The following ZDHHC5 variants were observed in gnomAD, a reference collection of about 807,000 sequenced individuals.
ZDHHC5 encodes zDHHC palmitoyltransferase 5, also known as palmitoyltransferase ZDHHC5.
A neutral mutation model predicts 70.0 loss-of-function variants in ZDHHC5; 22 were observed. The ratio of observed to expected loss-of-function variants is 0.31; its 90% CI spans 0.22 to 0.45. The LOEUF (loss-of-function observed/expected upper bound fraction) is 0.45, where lower values mean the gene tolerates loss of function less well. ZDHHC5 is among the 20% of genes least tolerant of loss of function. ZDHHC5 has a pLI of 1.00. For missense variants in ZDHHC5, 746 were observed against 926.9 expected (o/e 0.80, Z 2.53); for synonymous variants, 313 against 347.8 (o/e 0.90, Z 1.11).
Position 57,699,295 on chromosome 11 carries a change from G to C in ZDHHC5, c.1859G>C (p.Gly620Ala). 1 of 1,614,240 alleles carries C rather than the reference G, an allele frequency of 6.2e-7. No individual in the cohort carries two copies. Among genetic ancestry groups the C allele is most frequent in the Non-Finnish European group, 8.5e-7 (1 of 1,180,038 alleles). Reference protein sequence around the residue: ...KPDGLRGRGVGSPEPGPTAPY... With the variant: ...KPDGLRGRGVASPEPGPTAPY... ...GATGGGCTAAGGGGCCGGGGAGTAGGGTCCCCTGAACCAGGCCCAACAGCC... is the reference window on the plus strand; with the variant it reads ...GATGGGCTAAGGGGCCGGGGAGTAGCGTCCCCTGAACCAGGCCCAACAGCC... The change falls in exon 11 of 12, where the codon GGG becomes GCG. Residue 620 changes from glycine to alanine, a missense_variant. Coordinates refer to ENST00000287169, the MANE Select transcript of ZDHHC5 (RefSeq NM_015457.3).
intron 2 of ZDHHC5, among the ~76,000 whole-genome samples, chr11:57,676,408 A>C (rs1946071699): frequency 6.6e-6 from 1 of 152,172 alleles, no homozygotes; most frequent in South Asian, 2.1e-4. Context: ...GTTAGTTACT[A>C]GACTTCATTT....
At chr11:57,692,870 T>G (rs1345251447) in intron 7 of ZDHHC5, among the ~76,000 whole-genome samples, 168 bp downstream of exon 7, 1 of 152,214 alleles carries the variant, frequency 6.6e-6, no homozygotes, top group Non-Finnish European at 1.5e-5. Context: ...TATCTTAGAA[T>G]GGTAAGTACC....
intron 9 of ZDHHC5, 112 bp from the exon 10 acceptor site, chr11:57,696,649 G>A (rs1305456292): frequency 1.1e-6 from 1 of 913,194 alleles, no homozygotes; most frequent in Admixed American, 2.1e-5. Context: ...CAAGGCTCCA[G>A]TGAGCTATAA....
rs924285475 is a variant in ZDHHC5, at chr11:57,701,165, AAAG to A, written c.*1137_*1139del. 1.3e-5 allele frequency: 2 copies of A among 152,620 alleles called. No homozygotes were observed. The highest frequency in any genetic ancestry group is 1.3e-4 in the Admixed American group (2 of 15,280). The allele number at this position is 152,620 out of a possible 1,614,324, so 9.5% of individuals were successfully genotyped here. ...GCCATTTTAAACCAACGAGGAATAA[AAAG>A]AAATCCTGATCTAACCAGCGCCCCC... On this transcript the variant is annotated 3_prime_UTR_variant, in exon 12 of 12. Transcript: ENST00000287169.
intron 2 of ZDHHC5, among the ~76,000 whole-genome samples, chr11:57,678,405 C>T (rs1946101040): frequency 6.6e-6 from 1 of 151,962 alleles, no homozygotes; most frequent in East Asian, 1.9e-4. Flanking sequence ...CCGTTCTCTA[C>T]TAAAAATACA....
At chr11:57,685,743 G>A (rs756628384) in intron 3 of ZDHHC5, among the ~76,000 whole-genome samples, 2 of 152,100 alleles carry the variant, frequency 1.3e-5, no homozygotes, top group Non-Finnish European at 2.9e-5. Flanking sequence ...CAAATACACC[G>A]TGGGCCGGGT....
chr11:57,699,245 AGCT>A lies in ZDHHC5; in HGVS notation c.1811_1813del (p.Ala604del). 6.2e-7 allele frequency: 1 copy of A among 1,614,258 alleles called. No homozygotes were observed. Among genetic ancestry groups the A allele is most frequent in the Non-Finnish European group, 8.5e-7 (1 of 1,180,048 alleles). ...TGGGCAAGACTCCACTGGGACGCCC[AGCT>A]GTCCCCCGTTTTGGCAAGCCAGATG... On this transcript the variant is annotated inframe_deletion, in exon 11 of 12. Coordinates refer to ENST00000287169, the MANE Select transcript of ZDHHC5 (RefSeq NM_015457.3).
intron 1 of ZDHHC5, among the ~76,000 whole-genome samples, chr11:57,669,166 T>C (rs557902656): frequency 6.6e-6 from 1 of 152,334 alleles, no homozygotes; most frequent in African/African-American, 2.4e-5. Flanking sequence ...TATATAATGA[T>C]AACACCCACA....
intron 3 of ZDHHC5, among the ~76,000 whole-genome samples, chr11:57,683,430 A>G (rs1452895139): frequency 1.3e-5 from 2 of 152,168 alleles, no homozygotes; most frequent in African/African-American, 4.8e-5. Flanking sequence ...ACTTTTCATG[A>G]TTTTATTGGG....
intron 11 of ZDHHC5, 24 bp from the exon 12 acceptor site, chr11:57,699,842 C>G: frequency 6.2e-7 from 1 of 1,613,954 alleles, no homozygotes; most frequent in East Asian, 2.2e-5. Flanking sequence ...TTCCTGACAC[C>G]TACGTCTTGT....
chr11:57,689,611 C>T (rs558772954), intron 4 of ZDHHC5, among the ~76,000 whole-genome samples: 11 of 151,606 alleles, frequency 7.3e-5, no homozygotes, highest in Middle Eastern at 3.5e-3. Flanking sequence ...CTCCTGACCT[C>T]GTGATCTACC....
intron 10 of ZDHHC5, 83 bp from the exon 11 acceptor site, chr11:57,698,476 C>T (rs1327263344): frequency 6.6e-7 from 1 of 1,507,992 alleles, no homozygotes; most frequent in African/African-American, 1.4e-5. Context: ...ACATAATTCT[C>T]TTTTTGACCA....
At chr11:57,698,359 C>T (rs547154021) in intron 10 of ZDHHC5, among the ~76,000 whole-genome samples, 200 bp from the exon 11 acceptor site, 14 of 152,260 alleles carry the variant, frequency 9.2e-5, no homozygotes, top group African/African-American at 1.9e-4. Flanking sequence ...AGCCTTTCTA[C>T]GTCTTGCTTT....
At chr11:57,688,439 A>ATCAT (rs2135394382) in intron 3 of ZDHHC5, 69 bp from the exon 4 acceptor site, 2 of 1,431,530 alleles carry the variant, frequency 1.4e-6, no homozygotes, top group East Asian at 5.1e-5. Flanking sequence ...TATTTTAAAC[A>ATCAT]TCATTGAATC....
intron 4 of ZDHHC5, among the ~76,000 whole-genome samples, 168 bp from the exon 5 acceptor site, chr11:57,689,863 T>C (rs1946259772): frequency 6.6e-6 from 1 of 152,104 alleles, no homozygotes; most frequent in African/African-American, 2.4e-5. Context: ...TTGACCAACC[T>C]CTGGAAGGTC....
rs972763987 is a variant in ZDHHC5, at chr11:57,682,469, A to G, written c.152A>G (p.Asn51Ser). 8 of 1,614,158 alleles carry G rather than the reference A, an allele frequency of 5.0e-6. No individual in the cohort carries two copies. Among genetic ancestry groups the G allele is most frequent in the Non-Finnish European group, 6.8e-6 (8 of 1,180,034 alleles). ...LYVSPAVPIYNAIMFLFVLAN... is the reference protein window; with the variant it reads ...LYVSPAVPIYSAIMFLFVLAN... The stretch of plus-strand genomic sequence containing the variant: ...GTGTCACCTGCAGTGCCCATCTACA[A>G]TGCAATTATGTTTCTCTTTGTGTTG... The change falls in exon 3 of 12, where the codon AAT (asparagine) becomes AGT (serine). Residue 51 changes from asparagine (N) to serine (S), a missense_variant. Transcript: ENST00000287169.
At chr11:57,678,921 T>C (rs1946109837) in intron 2 of ZDHHC5, among the ~76,000 whole-genome samples, 1 of 152,198 alleles carries the variant, frequency 6.6e-6, no homozygotes, top group East Asian at 1.9e-4. Context: ...GTTTGTACTA[T>C]GTAGCTGAAG....
chr11:57,688,318 T>C (rs1191688034), intron 3 of ZDHHC5, among the ~76,000 whole-genome samples, 190 bp from the exon 4 acceptor site: 1 of 152,190 alleles, frequency 6.6e-6, no homozygotes, highest in Non-Finnish European at 1.5e-5. Flanking sequence ...AATAAATTGC[T>C]CCCTCATCCA....
chr11:57,697,836 A>AG (rs1029830967), intron 10 of ZDHHC5, among the ~76,000 whole-genome samples: 1 of 150,060 alleles, frequency 6.7e-6, no homozygotes, highest in Non-Finnish European at 1.5e-5. Context: ...CTCAAAAAAA[A>AG]AAAAAAAAAA....
Sources: gnomAD v4.1 joint callset for allele counts (sites outside exome capture counted in the v4.1 genomes callset) on GRCh38, gnomAD v4.1.1 for gene constraint, MANE v1.5 for transcripts, NCBI Gene and HGNC (gene_info 2026-07-23, HGNC 2026-07-21) for gene names.